Variants in PDIA5 observed in about 807,000 individuals in gnomAD.
The protein encoded by PDIA5 is protein disulfide isomerase family A member 5.
Under a neutral mutation model 77.6 loss-of-function variants are expected in PDIA5, and 58 were observed. The observed-to-expected ratio is 0.75, with a 90% CI of 0.61 to 0.93. The LOEUF (loss-of-function observed/expected upper bound fraction) is 0.93, where lower values mean the gene tolerates loss of function less well. Among genes scored for constraint, PDIA5 ranks in the 40% least tolerant of loss-of-function variants. The pLI is 0.00. For synonymous variants in PDIA5, 250 were observed against 252.1 expected, an observed-to-expected ratio of 0.99 and a Z score of 0.08; for missense variants, 630 against 647.7, an observed-to-expected ratio of 0.97 and a Z score of 0.30.
At chr3:123,111,943 C>T (rs1262189689) in intron 7 of PDIA5, among the ~76,000 whole-genome samples, 2 of 152,090 alleles carry the variant, frequency 1.3e-5, no homozygotes, top group African/African-American at 4.8e-5. Flanking sequence ...CAAATTATGG[C>T]CCACGGGCCA....
intron 11 of PDIA5, chr3:123,145,254 A>T: frequency 2.5e-6 from 1 of 406,542 alleles, no homozygotes. Context: ...GGTAGTTATG[A>T]GGCTGTAAGG....
At chr3:123,123,949 T>C in intron 8 of PDIA5, 117 bp from the exon 9 acceptor site, 2 of 708,622 alleles carry the variant, frequency 2.8e-6, no homozygotes, top group Non-Finnish European at 5.1e-6. Flanking sequence ...CACATCAGTC[T>C]GTGGGGCTTT....
intron 3 of PDIA5, among the ~76,000 whole-genome samples, chr3:123,093,589 T>G (rs1934353335): frequency 6.6e-6 from 1 of 152,164 alleles, no homozygotes; most frequent in Non-Finnish European, 1.5e-5. Context: ...TTAGTTGTTG[T>G]CTCCACCTGG....
At chr3:123,161,265 G>A (rs1936153579) in intron 15 of PDIA5, 56 bp from the exon 16 acceptor site, 3 of 1,569,446 alleles carry the variant, frequency 1.9e-6, no homozygotes, top group Non-Finnish European at 2.6e-6. Context: ...GTGTTGTGGG[G>A]TCCAGGCCTC....
chr3:123,113,809 T>C (rs1034645813), intron 7 of PDIA5, among the ~76,000 whole-genome samples: 23 of 152,070 alleles, frequency 1.5e-4, no homozygotes, highest in African/African-American at 5.6e-4. Flanking sequence ...GGAACCTGGC[T>C]CCCCAGGATC....
intron 3 of PDIA5, among the ~76,000 whole-genome samples, chr3:123,095,749 CAA>C (rs61654925): frequency 3.9e-4 from 34 of 86,640 alleles, no homozygotes; most frequent in Non-Finnish European, 2.3e-4. Context: ...AACTCTGTCT[CAA>C]AAAAAAAAAA....
At chr3:123,156,437 G>A (rs1936020916) in intron 15 of PDIA5, among the ~76,000 whole-genome samples, 1 of 152,318 alleles carries the variant, frequency 6.6e-6, no homozygotes, top group South Asian at 2.1e-4. Context: ...GGCAGCAGGG[G>A]CTTCCTTCCC....
chr3:123,123,986 G>A lies in PDIA5; in HGVS notation c.610-80G>A, dbSNP rs1935179274. The A allele has an allele frequency of 4.6e-6, 4 of 873,448 alleles. No homozygotes were observed. The Admixed American group carries it at 6.9e-5, about 15-fold the overall frequency. The allele number at this position is 873,448 out of a possible 1,614,324, so 54.1% of individuals were successfully genotyped here. ...TCCCATATGTCTTTCTGGTGGGACA[G>A]CAGCTGGACAGATGGCGTGTGGACT... On this transcript the variant is annotated intron_variant, in intron 8 of 16. Coordinates refer to ENST00000316218, the MANE Select transcript of PDIA5 (RefSeq NM_006810.4).
At chr3:123,077,812 C>CTT (rs35172329) in intron 1 of PDIA5, among the ~76,000 whole-genome samples, 4 of 141,874 alleles carry the variant, frequency 2.8e-5, no homozygotes, top group South Asian at 2.3e-4. Flanking sequence ...AATTAATGTT[C>CTT]TTTTTTTTTT....
chr3:123,151,765 T>TGCCTGCCTGCCTGCCTGCCTG (rs1935900787), intron 14 of PDIA5, among the ~76,000 whole-genome samples: 1 of 139,140 alleles, frequency 7.2e-6, no homozygotes. Flanking sequence ...CCTGCCTGCC[T>TGCCTGCCTGCCTGCCTGCCTG]GCCTGCCTGC....
chr3:123,100,144 AG>A (rs1316941577), intron 3 of PDIA5, among the ~76,000 whole-genome samples: 1 of 152,222 alleles, frequency 6.6e-6, no homozygotes. Context: ...AAGGCCAGCG[AG>A]GAAGGTGCCA....
At chr3:123,115,404 C>T (rs1168518081) in intron 7 of PDIA5, among the ~76,000 whole-genome samples, 2 of 152,272 alleles carry the variant, frequency 1.3e-5, no homozygotes, top group East Asian at 3.9e-4. Flanking sequence ...TCAAGGCCCC[C>T]TATCAAGGCT....
chr3:123,107,939 C>T (rs1041797127), intron 6 of PDIA5, among the ~76,000 whole-genome samples: 12 of 152,166 alleles, frequency 7.9e-5, no homozygotes, highest in African/African-American at 2.9e-4. Context: ...AGTGGGACTA[C>T]AGGCACATGC....
chr3:123,105,625 TAG>T (rs1429349119), intron 5 of PDIA5, among the ~76,000 whole-genome samples: 4 of 152,164 alleles, frequency 2.6e-5, no homozygotes, highest in East Asian at 1.9e-4. Flanking sequence ...TCTTTCCAAA[TAG>T]AGTTTCCAGA....
In PDIA5 at chr3:123,102,461, C is replaced by G. The variant is rs377598783; in HGVS notation, c.308C>G (p.Pro103Arg). Residue 103 changes from proline to arginine, a missense_variant, in exon 4 of 17, where the codon CCG becomes CGG. Transcript: ENST00000316218. ...AAGAAGATGAAAGTTGACCTGAGCC[C>G]GAAGGACAAAAAGGTTGAATTATTC... is the stretch of plus-strand genomic sequence containing the variant. Reference protein sequence around the residue: ...LCKKMKVDLSPKDKKVELFHY... With the variant: ...LCKKMKVDLSRKDKKVELFHY... 1.9e-6 allele frequency: 3 copies of G among 1,613,818 alleles called. No homozygotes were observed. The highest frequency in any genetic ancestry group is 1.7e-5 in the Admixed American group (1 of 60,006).
chr3:123,136,511 C>T lies in PDIA5; in HGVS notation c.910+5895C>T, dbSNP rs1935507295. Among the ~76,000 whole-genome samples, 4 of 151,930 alleles carry T rather than the reference C, an allele frequency of 2.6e-5. No individual in the cohort carries two copies. The South Asian group carries it at 6.3e-4, about 24-fold the overall frequency. On this transcript the variant is annotated intron_variant, in intron 11 of 16. Coordinates refer to ENST00000316218, the MANE Select transcript of PDIA5 (RefSeq NM_006810.4). Reference sequence around the variant, plus strand: ...ATCCCAGCACTTTGGGAGGCCAAGGCGGGTGGATCATGAGGTCAGAAGTTC... The same window carrying T: ...ATCCCAGCACTTTGGGAGGCCAAGGTGGGTGGATCATGAGGTCAGAAGTTC...
intron 3 of PDIA5, among the ~76,000 whole-genome samples, chr3:123,099,995 G>A (rs770709587): frequency 2.6e-5 from 4 of 152,264 alleles, no homozygotes; most frequent in Non-Finnish European, 4.4e-5. Flanking sequence ...CGCAGCTGCT[G>A]GTGTCAGGAT....
intron 8 of PDIA5, among the ~76,000 whole-genome samples, chr3:123,118,799 C>G (rs1935048661): frequency 6.6e-6 from 1 of 152,178 alleles, no homozygotes; most frequent in Non-Finnish European, 1.5e-5. Context: ...TTGCTCATCA[C>G]TCCTGGGGGT....
Position 123,077,956 on chromosome 3 carries a change from C to T in PDIA5, c.42+10750C>T, listed in dbSNP as rs548755016. ...TCCCGAGTAGCTGGGACTACAGGCA[C>T]GTGCCACCATGCCCAGCTAATTTTT... On this transcript the variant is annotated intron_variant, in intron 1 of 16. Coordinates refer to ENST00000316218, the MANE Select transcript of PDIA5 (RefSeq NM_006810.4). Among the ~76,000 whole-genome samples the T allele has an allele frequency of 1.1e-3, 171 of 151,924 alleles. 3 individuals are homozygous for T. Among genetic ancestry groups the T allele is most frequent in the African/African-American group, 3.9e-3 (162 of 41,416 alleles).
Sources: gnomAD v4.1 joint callset for allele counts (sites outside exome capture counted in the v4.1 genomes callset) on GRCh38, gnomAD v4.1.1 for gene constraint, MANE v1.5 for transcripts, NCBI Gene and HGNC (gene_info 2026-07-23, HGNC 2026-07-21) for gene names.